Variants in TSNAXIP1 observed in about 807,000 individuals in gnomAD.
TSNAXIP1 encodes translin-associated factor X-interacting protein 1.
TSNAXIP1 carries 89 observed loss-of-function variants against 84.8 expected under a neutral mutation model. That is an observed-to-expected ratio of 1.05 (90% CI 0.88 to 1.25). The LOEUF is 1.25. Among genes scored for constraint, TSNAXIP1 ranks in the 50% most tolerant of loss-of-function variants. The pLI is 0.00. For synonymous variants in TSNAXIP1, 347 were observed against 335.2 expected, an observed-to-expected ratio of 1.04 and a Z score of -0.39; for missense variants, 874 against 887.6, an observed-to-expected ratio of 0.98 and a Z score of 0.20.
rs774541709 is a variant in TSNAXIP1, at chr16:67,826,538, G to T, written c.1377G>T (p.Trp459Cys). The change falls in exon 11 of 16, where the codon TGG (tryptophan) becomes TGT (cysteine). Residue 459 changes from tryptophan (W) to cysteine (C), a missense_variant. Trp to Cys is a radical substitution (Grantham distance 215). Transcript: ENST00000561639. ...TGGTCAACCTCCTCAAGGATGCCTGGAAGGAACGTCTTGCTGAGGAGCAGG... is the reference window on the plus strand; with the variant it reads ...TGGTCAACCTCCTCAAGGATGCCTGTAAGGAACGTCTTGCTGAGGAGCAGG... ...KDVVNLLKDA[W>C]KERLAEEQKE... The T allele has an allele frequency of 1.5e-5, 24 of 1,614,046 alleles. No individual in the cohort carries two copies. Among genetic ancestry groups the T allele is most frequent in the Non-Finnish European group, 1.6e-5 (19 of 1,180,038 alleles).
chr16:67,812,388 C>A (rs1221178437), intron 1 of TSNAXIP1, among the ~76,000 whole-genome samples: 2 of 152,008 alleles, frequency 1.3e-5, no homozygotes, highest in East Asian at 3.9e-4. Context: ...AAAAAATAGG[C>A]CGGGCACGGT....
Position 67,813,701 on chromosome 16 carries a change from C to T in TSNAXIP1, c.48-601C>T, listed in dbSNP as rs1386337732. Among the ~76,000 whole-genome samples, 9 of 131,814 alleles carry T rather than the reference C, an allele frequency of 6.8e-5. No homozygotes were observed. The Admixed American group carries it at 7.9e-4, about 12-fold the overall frequency. The allele number at this position is 131,814 out of a possible 152,430, so 86.5% of individuals were successfully genotyped here. ...GAGCCAAGATCGCACCACTGCACTCCAGCCTGGGTGACAGGGTAAGACTCC... is the reference window on the plus strand; with the variant it reads ...GAGCCAAGATCGCACCACTGCACTCTAGCCTGGGTGACAGGGTAAGACTCC... On this transcript the variant is annotated intron_variant, in intron 1 of 15. Coordinates refer to ENST00000561639, the MANE Select transcript of TSNAXIP1 (RefSeq NM_001288990.3).
chr16:67,820,717 C>T, intron 2 of TSNAXIP1, 122 bp from the exon 3 acceptor site: 1 of 660,692 alleles, frequency 1.5e-6, no homozygotes, highest in Non-Finnish European at 2.4e-6. Context: ...ACACTCCAGC[C>T]TGGGCAACAG....
In TSNAXIP1 at chr16:67,827,486, A is replaced by G. The variant is rs1486288738; in HGVS notation, c.1805A>G (p.Gln602Arg). 6.2e-7 allele frequency: 1 copy of G among 1,614,108 alleles called. No individual in the cohort carries two copies. The highest frequency in any genetic ancestry group is 1.3e-5 in the African/African-American group (1 of 74,954). The change falls in exon 15 of 16, where the codon CAG (glutamine) becomes CGG (arginine). Residue 602 changes from glutamine (Q) to arginine (R), a missense_variant. By Grantham distance (43) the Gln-to-Arg change is conservative. Coordinates refer to ENST00000561639, the MANE Select transcript of TSNAXIP1 (RefSeq NM_001288990.3). ...RSLFMEDEEG[Q>R]SEPFVQKLWE... ...GGCCCCTCCCAGGATGAGGAGGGCC[A>G]GAGTGAGCCCTTTGTGCAAAAACTC...
Position 67,827,889 on chromosome 16 carries a change from G to T in TSNAXIP1, c.2035G>T (p.Glu679Ter). The change falls in exon 16 of 16, where the codon GAG becomes TAG. Residue 679 changes from glutamate (E) to a stop codon, truncating the protein, a stop_gained. Transcript: ENST00000561639. LOFTEE classifies it low-confidence loss of function (END_TRUNC). Reference protein sequence around the residue: ...PESEMPEEGDEKEEAVVEILQ... With the variant: ...PESEMPEEGD ...GTCGGAAATGCCAGAGGAGGGTGACGAGAAGGAAGAAGCCGTGGTGGAAAT... is the reference window on the plus strand; with the variant it reads ...GTCGGAAATGCCAGAGGAGGGTGACTAGAAGGAAGAAGCCGTGGTGGAAAT... 6.2e-7 allele frequency: 1 copy of T among 1,614,122 alleles called. No individual in the cohort carries two copies. Among genetic ancestry groups the T allele is most frequent in the Non-Finnish European group, 8.5e-7 (1 of 1,180,034 alleles).
At chr16:67,827,097 C>T (rs770015679) in intron 13 of TSNAXIP1, 25 bp downstream of exon 13, 5 of 1,611,664 alleles carry the variant, frequency 3.1e-6, no homozygotes, top group Non-Finnish European at 4.2e-6. Context: ...CAGGCTACCC[C>T]CAACTCCTAC....
Position 67,826,572 on chromosome 16 carries a change from C to A in TSNAXIP1, c.1401+10C>A, listed in dbSNP as rs780610103. On this transcript the variant is annotated intron_variant, in intron 11 of 15. Transcript: ENST00000561639. ...TCTTGCTGAGGAGCAGGTCAGATCT[C>A]ACCAGCCACTCTGGCCCAGCATGGT... 8.7e-6 allele frequency: 14 copies of A among 1,614,126 alleles called. No homozygotes were observed. In the East Asian group the frequency reaches 3.1e-4, roughly 36 times the overall value.
At chr16:67,816,781 G>A (rs2056586836) in intron 2 of TSNAXIP1, among the ~76,000 whole-genome samples, 1 of 151,922 alleles carries the variant, frequency 6.6e-6, no homozygotes, top group African/African-American at 2.4e-5. Flanking sequence ...GAGCGCCCGG[G>A]AGCACTGCGT....
chr16:67,827,614 G>C, intron 15 of TSNAXIP1, 35 bp downstream of exon 15: 1 of 1,613,134 alleles, frequency 6.2e-7, no homozygotes, highest in South Asian at 1.1e-5. Flanking sequence ...AGTCCCACAG[G>C]CTGGGCCCCT....
At position 67,807,103 on chromosome 16, in the gene TSNAXIP1, A is replaced by G. The variant is rs1240174219; in HGVS notation, c.-47A>G. ...CCATGGCGACCGGCTGTACGCTACC[A>G]CAGCTTCCCAGGCCGCGGGTGCTGA... On this transcript the variant is annotated 5_prime_UTR_variant, in exon 1 of 16. Coordinates refer to ENST00000561639, the MANE Select transcript of TSNAXIP1 (RefSeq NM_001288990.3). 6.5e-7 allele frequency: 1 copy of G among 1,531,828 alleles called. No homozygotes were observed. 94.9% of individuals were successfully genotyped at this position (1,531,828 alleles called of 1,614,324 possible).
chr16:67,825,039 T>A, intron 6 of TSNAXIP1, 98 bp from the exon 7 acceptor site: 1 of 1,519,344 alleles, frequency 6.6e-7, no homozygotes, highest in South Asian at 1.3e-5. Context: ...TCACAGTCCC[T>A]GATGGGGCCC....
chr16:67,820,627 C>T (rs1258776818), intron 2 of TSNAXIP1, among the ~76,000 whole-genome samples: 3 of 151,970 alleles, frequency 2.0e-5, no homozygotes, highest in African/African-American at 7.2e-5. Context: ...TGCTTGTAAT[C>T]TCAACTATTC....
rs2057416240 is a variant in TSNAXIP1 at position 67,826,061 on chromosome 16, T to A, written c.1129T>A (p.Trp377Arg). The A allele has an allele frequency of 6.2e-7, 1 of 1,613,506 alleles. No homozygotes were observed. The change falls in exon 9 of 16, where the codon TGG (tryptophan) becomes AGG (arginine). Residue 377 changes from tryptophan to arginine, a missense_variant. By Grantham distance (101) the Trp-to-Arg change is moderately radical. Coordinates refer to ENST00000561639, the MANE Select transcript of TSNAXIP1 (RefSeq NM_001288990.3). ...GCGCACTTCCACGCCGCGGCCTGAC[T>A]GGACCAAGTGCAAAGGTGAGGGCAG... Reference protein sequence around the residue: ...IQRTSTPRPDWTKCKDVVAGG... With the variant: ...IQRTSTPRPDRTKCKDVVAGG...
Position 67,816,002 on chromosome 16 carries a change from G to A in TSNAXIP1, c.147+1601G>A, listed in dbSNP as rs943122641. On this transcript the variant is annotated intron_variant, in intron 2 of 15. Transcript: ENST00000561639. ...TTTTTTTTTTTTGAGACGGAATCTC[G>A]CTGTCGCCCAGGCTGGAGTGCAGTG... is the stretch of plus-strand genomic sequence containing the variant. 3.0e-5 allele frequency among the ~76,000 whole-genome samples: 4 copies of A among 132,254 alleles called. No individual in the cohort carries two copies. The East Asian group carries it at 6.7e-4, about 22-fold the overall frequency. The allele number at this position is 132,254 out of a possible 152,430, so 86.8% of individuals were successfully genotyped here. A position where few individuals can be genotyped will look rare whatever the true frequency, so the allele number is the denominator to read the frequency against.
intron 2 of TSNAXIP1, among the ~76,000 whole-genome samples, chr16:67,817,915 T>TA (rs2056722403): frequency 7.3e-6 from 1 of 137,216 alleles, no homozygotes; most frequent in African/African-American, 2.8e-5. Context: ...AAACAAATAA[T>TA]AAAAAATAGT....
intron 10 of TSNAXIP1, 24 bp downstream of exon 10, chr16:67,826,306 G>A (rs2057442274): frequency 1.9e-6 from 3 of 1,578,842 alleles, no homozygotes; most frequent in Non-Finnish European, 2.6e-6. Context: ...CAGGAGTGGG[G>A]CTTGGGCCAG....
intron 2 of TSNAXIP1, among the ~76,000 whole-genome samples, chr16:67,817,455 G>A (rs1470795098): frequency 1.7e-5 from 2 of 118,616 alleles, no homozygotes; most frequent in African/African-American, 6.3e-5. Flanking sequence ...CATTTTTTGC[G>A]TTTTTAGTAG....
intron 1 of TSNAXIP1, among the ~76,000 whole-genome samples, chr16:67,811,251 T>G (rs952045101): frequency 2.0e-5 from 3 of 152,082 alleles, no homozygotes; most frequent in Non-Finnish European, 4.4e-5. Flanking sequence ...TTGGTTTGCC[T>G]TGTTTTAAGT....
chr16:67,807,993 G>A (rs573980078), intron 1 of TSNAXIP1, among the ~76,000 whole-genome samples: 6 of 152,192 alleles, frequency 3.9e-5, no homozygotes, highest in African/African-American at 1.2e-4. Context: ...TGGCTAAATC[G>A]TTTTCTAGTT....
Sources: allele counts gnomAD v4.1 joint callset (sites outside exome capture counted in the v4.1 genomes callset), GRCh38; gene constraint gnomAD v4.1.1; transcripts MANE v1.5; gene names NCBI Gene and HGNC (gene_info 2026-07-23, HGNC 2026-07-21).